Variants in TSNARE1 observed in about 807,000 individuals in gnomAD.
The protein encoded by TSNARE1 is t-SNARE domain-containing protein 1.
Under a neutral mutation model 62.0 loss-of-function variants are expected in TSNARE1, and 49 were observed. The observed-to-expected ratio is 0.79, with a 90% CI of 0.63 to 1.00. The LOEUF (loss-of-function observed/expected upper bound fraction) is 1.00. Among genes scored for constraint, TSNARE1 ranks in the 50% least tolerant of loss-of-function variants. TSNARE1 has a pLI of 0.00. For synonymous variants in TSNARE1, 328 were observed against 294.4 expected, an observed-to-expected ratio of 1.11 and a Z score of -1.17; for missense variants, 755 against 700.1, an observed-to-expected ratio of 1.08 and a Z score of -0.88.
intron 13 of TSNARE1, among the ~76,000 whole-genome samples, chr8:142,219,398 G>A (rs1324739546): frequency 1.3e-5 from 2 of 152,166 alleles, no homozygotes; most frequent in South Asian, 2.1e-4. Context: ...CTTCTAATCC[G>A]GCCCTGCAGG....
At chr8:142,390,030 G>A (rs1301130928) in intron 1 of TSNARE1, among the ~76,000 whole-genome samples, 1 of 152,242 alleles carries the variant, frequency 6.6e-6, no homozygotes, top group East Asian at 1.9e-4. Flanking sequence ...AACTGTAACA[G>A]AGTGGTAAGA....
intron 6 of TSNARE1, among the ~76,000 whole-genome samples, chr8:142,327,319 G>A (rs1345104182): frequency 1.3e-5 from 2 of 151,884 alleles, no homozygotes; most frequent in African/African-American, 2.4e-5. Context: ...GAGAGGGGGC[G>A]GTTCTATATC....
intron 1 of TSNARE1, among the ~76,000 whole-genome samples, chr8:142,401,886 C>CG (rs1461401796): frequency 1.3e-5 from 2 of 152,152 alleles, no homozygotes; most frequent in Admixed American, 1.3e-4. Context: ...GCGGTTCAGT[C>CG]GGGGGAAGCA....
intron 13 of TSNARE1, among the ~76,000 whole-genome samples, chr8:142,225,055 C>T (rs1225606127): frequency 6.6e-6 from 1 of 152,124 alleles, no homozygotes; most frequent in African/African-American, 2.4e-5. Flanking sequence ...CTTCAGCCTA[C>T]ATCCAAACTG....
intron 9 of TSNARE1, among the ~76,000 whole-genome samples, chr8:142,303,646 G>A (rs1003019462): frequency 2.0e-5 from 3 of 152,228 alleles, no homozygotes; most frequent in Non-Finnish European, 4.4e-5. Flanking sequence ...GCTGGACACC[G>A]AACCAGTGGA....
chr8:142,399,074 G>A (rs1027104131), intron 1 of TSNARE1, among the ~76,000 whole-genome samples: 5 of 152,166 alleles, frequency 3.3e-5, no homozygotes, highest in South Asian at 2.1e-4. Flanking sequence ...AGGAGACACC[G>A]CCCAACTGGG....
intron 7 of TSNARE1, among the ~76,000 whole-genome samples, chr8:142,316,894 T>C (rs13261479): frequency 0.23 from 35,158 of 151,846 alleles, 5,082 homozygotes; most frequent in African/African-American, 0.35. Flanking sequence ...GCGGCATGCA[T>C]TTCCCCTGTA....
At chr8:142,286,931 G>A (rs934758678) in intron 10 of TSNARE1, among the ~76,000 whole-genome samples, 8 of 152,210 alleles carry the variant, frequency 5.3e-5, no homozygotes, top group African/African-American at 1.9e-4. Context: ...CTCCTCATGC[G>A]GCATGTGACT....
chr8:142,224,490 A>C (rs1816681574), intron 13 of TSNARE1, among the ~76,000 whole-genome samples: 1 of 152,200 alleles, frequency 6.6e-6, no homozygotes, highest in African/African-American at 2.4e-5. Context: ...TTAGTTGTGA[A>C]TTGGGTCCTG....
chr8:142,301,852 G>C (rs1825835500), intron 9 of TSNARE1, among the ~76,000 whole-genome samples: 1 of 152,198 alleles, frequency 6.6e-6, no homozygotes, highest in South Asian at 2.1e-4. Context: ...CACTGAGGCA[G>C]AGCGAGGTGG....
intron 9 of TSNARE1, among the ~76,000 whole-genome samples, chr8:142,311,017 A>T (rs939941746): frequency 8.6e-5 from 13 of 151,570 alleles, no homozygotes; most frequent in Admixed American, 7.9e-4. Flanking sequence ...CCCGACAAAA[A>T]TTATGTATTT....
chr8:142,224,219 G>T (rs10102446), intron 13 of TSNARE1, among the ~76,000 whole-genome samples: 10 of 151,880 alleles, frequency 6.6e-5, no homozygotes, highest in Non-Finnish European at 1.2e-4. Context: ...GTGGGAAAAG[G>T]GGAGGCTCCA....
At chr8:142,320,154 C>T (rs1352930855) in intron 6 of TSNARE1, among the ~76,000 whole-genome samples, 1 of 152,198 alleles carries the variant, frequency 6.6e-6, no homozygotes, top group Non-Finnish European at 1.5e-5. Context: ...CTCACCACTG[C>T]ATCCCCTCAC....
intron 4 of TSNARE1, among the ~76,000 whole-genome samples, chr8:142,332,121 T>C (rs1831140361): frequency 6.6e-6 from 1 of 152,162 alleles, no homozygotes; most frequent in Non-Finnish European, 1.5e-5. Context: ...CTGGCGTGTG[T>C]GCCCGGAAGC....
At chr8:142,229,365 T>C (rs1816990815) in intron 13 of TSNARE1, 108 bp downstream of exon 13, 1 of 880,086 alleles carries the variant, frequency 1.1e-6, no homozygotes, top group Admixed American at 1.9e-5. Flanking sequence ...AATGGGTGGA[T>C]GGATAGATGG....
At chr8:142,221,789 CCACTCATTCACT>C (rs1229118062) in intron 13 of TSNARE1, among the ~76,000 whole-genome samples, 1 of 35,704 alleles carries the variant, frequency 2.8e-5, no homozygotes, top group Non-Finnish European at 6.4e-5. Flanking sequence ...ACTCACTCAT[CCACTCATTCACT>C]CACTCATCCA....
chr8:142,314,304 C>A, intron 9 of TSNARE1, 80 bp downstream of exon 9: 1 of 1,391,306 alleles, frequency 7.2e-7, no homozygotes, highest in Middle Eastern at 2.2e-4. Flanking sequence ...CCCTCCCCGC[C>A]CTTCCATGGA....
chr8:142,314,999 T>C lies in TSNARE1; in HGVS notation c.1074+4A>G. ...GACCCCCACTGCCCCCACCAGCACC[T>C]CACCTTCTGCACCACTCCATAGCAC... On this transcript the variant is annotated splice_donor_region_variant and intron_variant, in intron 8 of 13. Coordinates refer to ENST00000524325, the MANE Select transcript of TSNARE1 (RefSeq NM_145003.5). 6.2e-7 allele frequency: 1 copy of C among 1,613,852 alleles called. No homozygotes were observed. Among genetic ancestry groups the C allele is most frequent in the Non-Finnish European group, 8.5e-7 (1 of 1,179,904 alleles).
intron 1 of TSNARE1, among the ~76,000 whole-genome samples, chr8:142,386,953 G>A (rs1025794968): frequency 3.9e-5 from 6 of 151,974 alleles, no homozygotes; most frequent in Non-Finnish European, 5.9e-5. Context: ...CAACTAAGGC[G>A]GTAAAAGTGA....
Sources: allele counts gnomAD v4.1 joint callset (sites outside exome capture counted in the v4.1 genomes callset), GRCh38; gene constraint gnomAD v4.1.1; transcripts MANE v1.5; gene names NCBI Gene and HGNC (gene_info 2026-07-23, HGNC 2026-07-21).